The following PDE4D variants were observed in gnomAD, a reference collection of about 807,000 sequenced individuals.
PDE4D encodes the protein 3',5'-cyclic-AMP phosphodiesterase 4D.
A neutral mutation model predicts 87.4 loss-of-function variants in PDE4D; 24 were observed. That is an observed-to-expected ratio of 0.27 (90% confidence interval 0.20 to 0.39). PDE4D has a LOEUF of 0.39. Ranked by LOEUF, PDE4D falls within the 10% of genes least tolerant of loss-of-function variation. The pLI is 1.00. For missense variants in PDE4D, 714 were observed against 1,041.0 expected, an observed-to-expected ratio of 0.69 and a Z score of 4.32; for synonymous variants, 384 against 383.2, an observed-to-expected ratio of 1.00 and a Z score of -0.02.
Position 59,745,774 on chromosome 5 carries a change from G to T in PDE4D, c.455+147394C>A, listed in dbSNP as rs1759514211. 2.0e-5 allele frequency among the ~76,000 whole-genome samples: 3 copies of T among 152,182 alleles called. No homozygotes were observed. In the South Asian group the frequency reaches 6.2e-4, roughly 32 times the overall value. ...AAAAAAAAGAAAGAAAGAAAAAAAT[G>T]TTTGCACATGTTGCTTGCAGGGCGC... On this transcript the variant is annotated intron_variant, in intron 1 of 14. Transcript: ENST00000340635.
chr5:60,037,878 C>G (rs1163107681), intron 2 of PDE4D, among the ~76,000 whole-genome samples: 4 of 152,076 alleles, frequency 2.6e-5, no homozygotes, highest in African/African-American at 9.6e-5. Flanking sequence ...ATTTTTTAGT[C>G]CTATGCATAT....
intron 1 of PDE4D, among the ~76,000 whole-genome samples, chr5:59,874,654 C>T (rs527745427): frequency 1.3e-4 from 20 of 152,220 alleles, no homozygotes; most frequent in African/African-American, 4.6e-4. Context: ...GTACCCTTTC[C>T]TCACACAAAG....
chr5:59,099,818 T>C (rs1166441206), intron 5 of PDE4D, among the ~76,000 whole-genome samples: 1 of 152,230 alleles, frequency 6.6e-6, no homozygotes, highest in East Asian at 1.9e-4. Context: ...TCTTCGATTA[T>C]GGCCATCACT....
chr5:59,969,724 T>A (rs574812200), intron 3 of PDE4D, among the ~76,000 whole-genome samples: 1 of 152,132 alleles, frequency 6.6e-6, no homozygotes, highest in African/African-American at 2.4e-5. Flanking sequence ...GAGCTGATGG[T>A]TTTATAGAGG....
intron 1 of PDE4D, among the ~76,000 whole-genome samples, chr5:60,507,985 T>C (rs1750399454): frequency 6.6e-6 from 1 of 152,202 alleles, no homozygotes; most frequent in East Asian, 1.9e-4. Context: ...ATAGAGCCTG[T>C]ATGGTTTAGT....
At chr5:59,615,363 C>A (rs1484546067) in intron 1 of PDE4D, among the ~76,000 whole-genome samples, 1 of 152,086 alleles carries the variant, frequency 6.6e-6, no homozygotes, top group Non-Finnish European at 1.5e-5. Flanking sequence ...CTTAAATGGC[C>A]TCTTAAACTT....
chr5:59,853,786 T>C (rs1295452887), intron 1 of PDE4D, among the ~76,000 whole-genome samples: 1 of 152,068 alleles, frequency 6.6e-6, no homozygotes, highest in Non-Finnish European at 1.5e-5. Flanking sequence ...CACATTTGCA[T>C]ACACATTTGC....
At position 59,060,550 on chromosome 5, in the gene PDE4D, C is replaced by T. The variant is rs933508934; in HGVS notation, c.809-21579G>A. Among the ~76,000 whole-genome samples, 5 of 151,904 alleles carry T rather than the reference C, an allele frequency of 3.3e-5. No individual in the cohort carries two copies. The South Asian group carries it at 6.2e-4, about 19-fold the overall frequency. ...ATCTATAAAAATTTTTTAAATTTTACGTTCAGGGGTATATGTGCAGGTTAG... is the reference window on the plus strand; with the variant it reads ...ATCTATAAAAATTTTTTAAATTTTATGTTCAGGGGTATATGTGCAGGTTAG... On this transcript the variant is annotated intron_variant, in intron 5 of 14. Coordinates refer to ENST00000340635, the MANE Select transcript of PDE4D (RefSeq NM_001104631.2).
intron 1 of PDE4D, among the ~76,000 whole-genome samples, chr5:59,431,280 C>T (rs1796075611): frequency 6.6e-6 from 1 of 152,066 alleles, no homozygotes; most frequent in Non-Finnish European, 1.5e-5. Context: ...CTGAAGGCAG[C>T]AGGGTCTTAG....
At chr5:60,242,563 G>A (rs2149662002) in intron 1 of PDE4D, among the ~76,000 whole-genome samples, 1 of 152,134 alleles carries the variant, frequency 6.6e-6, no homozygotes, top group Non-Finnish European at 1.5e-5. Context: ...TCATTCTCAA[G>A]GACAGACCAC....
intron 1 of PDE4D, among the ~76,000 whole-genome samples, chr5:60,359,554 G>A (rs1759885408): frequency 6.6e-6 from 1 of 152,102 alleles, no homozygotes; most frequent in African/African-American, 2.4e-5. Context: ...ACAAATAAAA[G>A]GATGGAACTT....
chr5:59,117,479 C>T (rs1032760686), intron 5 of PDE4D, among the ~76,000 whole-genome samples: 5 of 152,138 alleles, frequency 3.3e-5, no homozygotes, highest in African/African-American at 4.8e-5. Flanking sequence ...TTGTGCATCA[C>T]GGTGGGAGTG....
chr5:59,488,823 G>A (rs891331704), intron 1 of PDE4D, among the ~76,000 whole-genome samples: 19 of 151,934 alleles, frequency 1.3e-4, no homozygotes, highest in African/African-American at 3.1e-4. Flanking sequence ...TAGGATTGGC[G>A]GTTTAGCTGG....
rs77352204 is a variant in PDE4D, at chr5:59,378,913, G to T, written c.456-162945C>A. Among the ~76,000 whole-genome samples, 828 of 152,198 alleles carry T rather than the reference G, an allele frequency of 5.4e-3. 13 individuals carry two copies. Among genetic ancestry groups the T allele is most frequent in the African/African-American group, 0.019 (792 of 41,514 alleles). ...CATCCATTTATAGGGAAAGGCAAGGGCAGAAAGCAGATTTAGAAGAGAAAA... is the reference window on the plus strand; with the variant it reads ...CATCCATTTATAGGGAAAGGCAAGGTCAGAAAGCAGATTTAGAAGAGAAAA... On this transcript the variant is annotated intron_variant, in intron 1 of 14. Transcript: ENST00000340635.
chr5:59,500,375 G>A (rs1040816116), intron 1 of PDE4D, among the ~76,000 whole-genome samples: 1 of 152,112 alleles, frequency 6.6e-6, no homozygotes. Context: ...CCAATGGTGG[G>A]CTGGATAAAG....
At chr5:59,503,828 C>T (rs1455794562) in intron 1 of PDE4D, among the ~76,000 whole-genome samples, 1 of 152,096 alleles carries the variant, frequency 6.6e-6, no homozygotes, top group African/African-American at 2.4e-5. Context: ...AGTTAAAATG[C>T]ATTTATATCT....
chr5:59,395,142 C>T (rs542114457), intron 1 of PDE4D, among the ~76,000 whole-genome samples: 31 of 151,682 alleles, frequency 2.0e-4, no homozygotes, highest in Non-Finnish European at 2.4e-4. Context: ...AAGGCAGCGG[C>T]GAGGCTGGGG....
chr5:59,062,029 C>A (rs1241383493), intron 5 of PDE4D, among the ~76,000 whole-genome samples: 3 of 152,114 alleles, frequency 2.0e-5, no homozygotes, highest in Non-Finnish European at 4.4e-5. Flanking sequence ...AGCGTCCACT[C>A]TGCTTCTCCA....
At chr5:59,039,465 G>A (rs7706419) in intron 5 of PDE4D, 2 of 987,152 alleles carry the variant, frequency 2.0e-6, no homozygotes, top group East Asian at 1.1e-4. Flanking sequence ...CCTTCTGCAC[G>A]GCACTTGAAG....
Sources: gnomAD v4.1 joint callset for allele counts (sites outside exome capture counted in the v4.1 genomes callset) on GRCh38, gnomAD v4.1.1 for gene constraint, MANE v1.5 for transcripts, NCBI Gene and HGNC (gene_info 2026-07-23, HGNC 2026-07-21) for gene names.